The following USH2A variants were observed in gnomAD, a reference collection of about 807,000 sequenced individuals.
The protein encoded by USH2A is Usher syndrome 2A (autosomal recessive, mild).
A neutral mutation model predicts 538.9 loss-of-function variants in USH2A; 443 were observed. The ratio of observed to expected loss-of-function variants is 0.82; its 90% CI spans 0.76 to 0.89. The LOEUF (loss-of-function observed/expected upper bound fraction) is 0.89. USH2A is among the 40% of genes least tolerant of loss of function. USH2A has a pLI of 0.00. For missense variants in USH2A, 6,633 were observed against 6,324.8 expected (o/e 1.05, Z -1.65); for synonymous variants, 2,413 against 2,273.5 (o/e 1.06, Z -1.75).
chr1:216,270,911 T>C (rs2036561935), intron 11 of USH2A, among the ~76,000 whole-genome samples: 2 of 152,020 alleles, frequency 1.3e-5, no homozygotes, highest in Admixed American at 1.3e-4. Context: ...AATCCTACGG[T>C]AAGGTGGTGA....
chr1:216,245,279 C>T (rs1308049022), intron 13 of USH2A, among the ~76,000 whole-genome samples: 1 of 152,070 alleles, frequency 6.6e-6, no homozygotes, highest in Non-Finnish European at 1.5e-5. Flanking sequence ...ACACCCCTGG[C>T]CACAATGAAT....
At chr1:216,218,423 A>G (rs1330365591) in intron 14 of USH2A, among the ~76,000 whole-genome samples, 1 of 152,170 alleles carries the variant, frequency 6.6e-6, no homozygotes, top group Non-Finnish European at 1.5e-5. Context: ...ACATGTAAGA[A>G]GACCACTCAC....
intron 40 of USH2A, among the ~76,000 whole-genome samples, chr1:215,899,078 T>C (rs1351504489): frequency 2.0e-5 from 3 of 152,344 alleles, no homozygotes; most frequent in African/African-American, 7.2e-5. Flanking sequence ...AGATAGATTG[T>C]ACTGATAATG....
At chr1:216,170,030 T>C (rs1289750725) in intron 21 of USH2A, among the ~76,000 whole-genome samples, 1 of 152,090 alleles carries the variant, frequency 6.6e-6, no homozygotes, top group Non-Finnish European at 1.5e-5. Flanking sequence ...ACCAAGGGTG[T>C]TGAAGGTCAG....
At chr1:216,250,732 T>C (rs2036141720) in intron 12 of USH2A, among the ~76,000 whole-genome samples, 171 bp downstream of exon 12, 1 of 152,240 alleles carries the variant, frequency 6.6e-6, no homozygotes, top group Non-Finnish European at 1.5e-5. Flanking sequence ...TGCAGTTTGA[T>C]AGAATTATTA....
chr1:216,337,172 T>C (rs2037989771), intron 4 of USH2A, among the ~76,000 whole-genome samples: 1 of 151,478 alleles, frequency 6.6e-6, no homozygotes, highest in South Asian at 2.1e-4. Flanking sequence ...ATCTTAATAT[T>C]AATGATGACA....
At chr1:216,149,247 T>C (rs978998899) in intron 21 of USH2A, among the ~76,000 whole-genome samples, 2 of 152,146 alleles carry the variant, frequency 1.3e-5, no homozygotes, top group African/African-American at 4.8e-5. Flanking sequence ...GTAGAGGCCT[T>C]TCCTACCGGG....
chr1:216,159,328 T>C (rs1017492203), intron 21 of USH2A, among the ~76,000 whole-genome samples: 3 of 152,076 alleles, frequency 2.0e-5, no homozygotes, highest in Non-Finnish European at 4.4e-5. Flanking sequence ...ACAAAAACAA[T>C]TTATTAGGAT....
Position 215,634,654 on chromosome 1 carries a change from G to A in USH2A, c.15102C>T (p.Ser5034=), listed in dbSNP as rs147916810. The change falls in exon 70 of 72, where the codon AGC becomes AGT. Residue 5034 remains serine, a synonymous_variant. Coordinates refer to ENST00000307340, the MANE Select transcript of USH2A (RefSeq NM_206933.4). ...ACCACAGCTCGCTGTAGAACTCTGT[G>A]CTTTTGCTCCGCGATCCCTTCTTTT... ...PGKKKGSRSK[S]TEFYSELWFI... The A allele has an allele frequency of 5.3e-5, 86 of 1,614,124 alleles. No homozygotes were observed. Among genetic ancestry groups the A allele is most frequent in the Middle Eastern group, 4.9e-4 (3 of 6,084 alleles).
intron 58 of USH2A, among the ~76,000 whole-genome samples, chr1:215,755,256 C>T (rs1352685973): frequency 6.6e-6 from 1 of 152,150 alleles, no homozygotes; most frequent in East Asian, 1.9e-4. Flanking sequence ...TTCTAATGCT[C>T]ATTCAGGTTT....
chr1:215,943,576 G>C (rs1666689329), intron 37 of USH2A, among the ~76,000 whole-genome samples: 1 of 152,170 alleles, frequency 6.6e-6, no homozygotes, highest in Admixed American at 6.6e-5. Context: ...CCATGGGACT[G>C]CCAGTCAGTT....
chr1:215,867,074 C>A lies in USH2A; in HGVS notation c.8778G>T (p.Glu2926Asp), dbSNP rs374146074. ...VTVTTLAGLP[E>D]RGANLTASVL... ...CACTCGCAGTGAGATTGGCTCCTCT[C>A]TCTGGAAGACCAGCTAACGTTGTCA... The change falls in exon 44 of 72, where the codon GAG (glutamate) becomes GAT (aspartate). Residue 2926 changes from glutamate to aspartate, a missense_variant. Glu to Asp is a conservative substitution (Grantham distance 45). Coordinates refer to ENST00000307340, the MANE Select transcript of USH2A (RefSeq NM_206933.4). 11 of 1,614,072 alleles carry A rather than the reference C, an allele frequency of 6.8e-6. No homozygotes were observed. Among genetic ancestry groups the A allele is most frequent in the Admixed American group, 1.7e-5 (1 of 60,002 alleles).
At chr1:216,126,797 A>G (rs906909048) in intron 21 of USH2A, among the ~76,000 whole-genome samples, 1 of 152,196 alleles carries the variant, frequency 6.6e-6, no homozygotes. Flanking sequence ...CTTCATTCCA[A>G]GCAGTATTTC....
intron 32 of USH2A, among the ~76,000 whole-genome samples, chr1:216,026,714 A>T (rs1668974982): frequency 6.6e-6 from 1 of 152,178 alleles, no homozygotes; most frequent in African/African-American, 2.4e-5. Context: ...CTGCCCTCAA[A>T]GTACTCATGA....
At chr1:215,647,786 T>C in intron 66 of USH2A, 56 bp from the exon 67 acceptor site, 1 of 1,590,470 alleles carries the variant, frequency 6.3e-7, no homozygotes, top group East Asian at 2.2e-5. Context: ...AGTTTAACTC[T>C]CTCTTTTAAA....
intron 50 of USH2A, among the ~76,000 whole-genome samples, chr1:215,796,808 G>A (rs1662151336): frequency 6.6e-6 from 1 of 152,148 alleles, no homozygotes. Context: ...CCAACAGTTA[G>A]CCCAGTTATG....
chr1:216,102,469 C>T (rs1353502119), intron 21 of USH2A, among the ~76,000 whole-genome samples: 3 of 151,604 alleles, frequency 2.0e-5, no homozygotes, highest in African/African-American at 4.8e-5. Flanking sequence ...CTAGTTGGAG[C>T]GTACAACCTC....
At chr1:216,286,327 G>A (rs137996953) in intron 11 of USH2A, among the ~76,000 whole-genome samples, 56 of 152,192 alleles carry the variant, frequency 3.7e-4, no homozygotes, top group African/African-American at 1.1e-3. Flanking sequence ...TTCCTCACTC[G>A]GCACTTCTCT....
At chr1:215,907,339 G>A (rs936849598) in intron 38 of USH2A, among the ~76,000 whole-genome samples, 1 of 151,942 alleles carries the variant, frequency 6.6e-6, no homozygotes, top group Non-Finnish European at 1.5e-5. Flanking sequence ...GGTACCATTC[G>A]TGGGCTAGAA....
Sources: allele counts gnomAD v4.1 joint callset (sites outside exome capture counted in the v4.1 genomes callset), GRCh38; gene constraint gnomAD v4.1.1; transcripts MANE v1.5; gene names NCBI Gene and HGNC (gene_info 2026-07-23, HGNC 2026-07-21).